Variants in NFATC3 observed in about 807,000 individuals in gnomAD.
NFATC3 encodes the protein nuclear factor of activated T-cells, cytoplasmic 3.
NFATC3 carries 46 observed loss-of-function variants against 98.6 expected under a neutral mutation model. The ratio of observed to expected loss-of-function variants is 0.47; its 90% CI spans 0.37 to 0.60. NFATC3 has a LOEUF of 0.60. NFATC3 is among the 20% of genes least tolerant of loss of function. The pLI is 0.00. For missense variants in NFATC3, 1,256 were observed against 1,295.5 expected (o/e 0.97, Z 0.47); for synonymous variants, 512 against 472.2 (o/e 1.08, Z -1.09).
chr16:68,146,843 C>G (rs957566222), intron 3 of NFATC3, among the ~76,000 whole-genome samples: 1 of 152,210 alleles, frequency 6.6e-6, no homozygotes, highest in Admixed American at 6.5e-5. Context: ...AGAGGGTGGA[C>G]TGAAGAGATT....
intron 3 of NFATC3, among the ~76,000 whole-genome samples, chr16:68,157,559 A>G (rs1429549664): frequency 6.6e-6 from 1 of 152,166 alleles, no homozygotes; most frequent in African/African-American, 2.4e-5. Flanking sequence ...GTACAGAATC[A>G]GTATTTCTTT....
At chr16:68,163,187 T>C (rs2038980496) in intron 4 of NFATC3, among the ~76,000 whole-genome samples, 1 of 152,154 alleles carries the variant, frequency 6.6e-6, no homozygotes, top group African/African-American at 2.4e-5. Flanking sequence ...TTTCCCCACC[T>C]TTCCCCCCTT....
At chr16:68,205,705 AT>A (rs953559247) in intron 9 of NFATC3, among the ~76,000 whole-genome samples, 18 of 151,922 alleles carry the variant, frequency 1.2e-4, no homozygotes, top group East Asian at 3.9e-4. Flanking sequence ...AAACAGTTGC[AT>A]TTTTTTCCCC....
intron 8 of NFATC3, among the ~76,000 whole-genome samples, chr16:68,184,618 A>G (rs182414141): frequency 2.0e-5 from 3 of 152,190 alleles, no homozygotes; most frequent in South Asian, 2.1e-4. Flanking sequence ...CCTGGCTAAC[A>G]TGGTGAAACC....
At chr16:68,096,571 T>C (rs1397571459) in intron 1 of NFATC3, among the ~76,000 whole-genome samples, 2 of 152,200 alleles carry the variant, frequency 1.3e-5, no homozygotes, top group East Asian at 3.8e-4. Flanking sequence ...GGAGTAGACA[T>C]ATAAATGACT....
chr16:68,124,133 A>C (rs906739595), intron 2 of NFATC3, among the ~76,000 whole-genome samples: 2 of 152,124 alleles, frequency 1.3e-5, no homozygotes, highest in African/African-American at 4.8e-5. Flanking sequence ...TTGAGACAGC[A>C]TCTTGTTGCC....
chr16:68,122,934 C>G lies in NFATC3; in HGVS notation c.1051C>G (p.Leu351Val). ...AACTTCTGAAGATCAAGCTGCCATACTACCAGGAAAATTAGAGCTGTGTTC... is the reference window on the plus strand; with the variant it reads ...AACTTCTGAAGATCAAGCTGCCATAGTACCAGGAAAATTAGAGCTGTGTTC... ...RKTSEDQAAILPGKLELCSDD... is the reference protein window; with the variant it reads ...RKTSEDQAAIVPGKLELCSDD... Residue 351 changes from leucine to valine, a missense_variant, in exon 2 of 10, where the codon CTA (leucine) becomes GTA (valine). This residue lies in a region of NFATC3 where 464 missense variants were observed against 465.7 expected (regional missense o/e 1.00). Transcript: ENST00000346183. 6 of 1,614,194 alleles carry G rather than the reference C, an allele frequency of 3.7e-6. No homozygotes were observed. The highest frequency in any genetic ancestry group is 5.1e-6 in the Non-Finnish European group (6 of 1,180,030).
chr16:68,224,973 GAC>G (rs1258239944), intron 9 of NFATC3: 3 of 151,886 alleles, frequency 2.0e-5, no homozygotes, highest in Non-Finnish European at 2.9e-5. Flanking sequence ...GATTTTTTGA[GAC>G]AGAGTCTCAC....
At position 68,181,513 on chromosome 16, in the gene NFATC3, A is replaced by T; in HGVS notation, c.1954A>T (p.Arg652Trp). ...PQWEVEGKII[R>W]EKCQGAHIVL... ...GTGGGAGGTAGAAGGGAAGATAATC[A>T]GGGAAAAATGTCAAGGGGTAAGAAA... The change falls in exon 7 of 10, where the codon AGG (arginine) becomes TGG (tryptophan). Residue 652 changes from arginine to tryptophan, a missense_variant. Arg to Trp is a moderately radical substitution (Grantham distance 101, BLOSUM62 -3). Transcript: ENST00000346183. 6.2e-7 allele frequency: 1 copy of T among 1,610,908 alleles called. No homozygotes were observed.
At chr16:68,123,497 CAAAAAAAA>C (rs547564860) in intron 2 of NFATC3, among the ~76,000 whole-genome samples, 1 of 73,880 alleles carries the variant, frequency 1.4e-5, no homozygotes, top group Admixed American at 1.4e-4. Flanking sequence ...CCTGTCTCTA[CAAAAAAAA>C]AAAAAAAAAA....
At chr16:68,157,326 C>G (rs980303287) in intron 3 of NFATC3, among the ~76,000 whole-genome samples, 1 of 152,038 alleles carries the variant, frequency 6.6e-6, no homozygotes, top group Non-Finnish European at 1.5e-5. Flanking sequence ...AAACTTGTCT[C>G]CCTGTGGTTG....
At position 68,226,897 on chromosome 16, in the gene NFATC3, C is replaced by CAAAAAAAAAAAA. The variant is rs397955987; in HGVS notation, c.*441_*452dup. 3.5e-3 allele frequency: 106 copies of CAAAAAAAAAAAA among 30,316 alleles called. 3 individuals are homozygous for CAAAAAAAAAAAA. Among genetic ancestry groups the CAAAAAAAAAAAA allele is most frequent in the Middle Eastern group, 0.028 (1 of 36 alleles). The allele number at this position is 30,316 out of a possible 1,614,324, so 1.9% of individuals were successfully genotyped here. On this transcript the variant is annotated 3_prime_UTR_variant, in exon 10 of 10. Transcript: ENST00000346183. Reference sequence around the variant, plus strand: ...AACTTTTGATAAGACCTTCTAGAAGCAAAAAAAAAAAAAAAAAAAAAAAAA... The same window carrying CAAAAAAAAAAAA: ...AACTTTTGATAAGACCTTCTAGAAGCAAAAAAAAAAAAAAAAAAAAAAAAAAAAAAAAAAAAA...
intron 3 of NFATC3, among the ~76,000 whole-genome samples, chr16:68,156,069 C>T (rs1175141828): frequency 6.6e-6 from 1 of 152,134 alleles, no homozygotes; most frequent in Non-Finnish European, 1.5e-5. Flanking sequence ...GTAATCCCAG[C>T]ACTTTGGGAG....
chr16:68,132,784 A>G (rs1317871899), intron 3 of NFATC3, among the ~76,000 whole-genome samples: 2 of 152,214 alleles, frequency 1.3e-5, no homozygotes, highest in Non-Finnish European at 2.9e-5. Flanking sequence ...TAAATACTGC[A>G]TGTTTTCACT....
intron 1 of NFATC3, among the ~76,000 whole-genome samples, chr16:68,121,372 T>C (rs2036573754): frequency 6.6e-6 from 1 of 151,460 alleles, no homozygotes; most frequent in Non-Finnish European, 1.5e-5. Context: ...TGTGTTTTTT[T>C]TTTTTTAATA....
chr16:68,176,770 T>C (rs181686569), intron 6 of NFATC3, among the ~76,000 whole-genome samples: 42 of 152,310 alleles, frequency 2.8e-4, no homozygotes, highest in Non-Finnish European at 5.3e-4. Context: ...ACTTAAGGAA[T>C]TCTTTATATA....
At position 68,191,182 on chromosome 16, in the gene NFATC3, T is replaced by C. The variant is rs1288885452; in HGVS notation, c.2513T>C (p.Leu838Pro). 1 of 1,614,200 alleles carries C rather than the reference T, an allele frequency of 6.2e-7. No individual in the cohort carries two copies. Residue 838 changes from leucine (L) to proline (P), a missense_variant, in exon 9 of 10, where the codon CTT becomes CCT. Coordinates refer to ENST00000346183, the MANE Select transcript of NFATC3 (RefSeq NM_173165.3). ...GTTTTGTTTCAGCAGGATGCAACTC[T>C]TTCTGGTTTAGTGAATCTTGGCTGT... Reference protein sequence around the residue: ...DSVLFQQDATLSGLVNLGCQP... With the variant: ...DSVLFQQDATPSGLVNLGCQP...
At chr16:68,121,457 G>GGATA (rs1390490127) in intron 1 of NFATC3, among the ~76,000 whole-genome samples, 1 of 151,342 alleles carries the variant, frequency 6.6e-6, no homozygotes, top group East Asian at 1.9e-4. Flanking sequence ...TAAGGTGGGA[G>GGATA]GATAGCTTGA....
chr16:68,176,658 A>G (rs1567534769), intron 6 of NFATC3, among the ~76,000 whole-genome samples: 1 of 152,196 alleles, frequency 6.6e-6, no homozygotes, highest in Non-Finnish European at 1.5e-5. Flanking sequence ...AATTTCCCTG[A>G]TAGCTGTTGA....
Sources: gnomAD v4.1 joint callset for allele counts (sites outside exome capture counted in the v4.1 genomes callset) on GRCh38, gnomAD v4.1.1 for gene constraint, gnomAD v4.1.1 regional missense constraint, MANE v1.5 for transcripts, NCBI Gene and HGNC (gene_info 2026-07-23, HGNC 2026-07-21) for gene names.